SMYD4: variants seen among roughly 807,000 people sequenced by gnomAD.
The protein encoded by SMYD4 is protein-lysine N-methyltransferase SMYD4.
A neutral mutation model predicts 72.8 loss-of-function variants in SMYD4; 68 were observed. The ratio of observed to expected loss-of-function variants is 0.93; its 90% confidence interval spans 0.77 to 1.14. The LOEUF is 1.14. SMYD4 is among the 50% of genes most tolerant of loss of function. SMYD4 has a pLI of 0.00. For missense variants in SMYD4, 984 were observed against 1,003.7 expected, an observed-to-expected ratio of 0.98 and a Z score of 0.27; for synonymous variants, 407 against 388.6, an observed-to-expected ratio of 1.05 and a Z score of -0.56.
intron 4 of SMYD4, among the ~76,000 whole-genome samples, chr17:1,802,954 C>A (rs1023665672): frequency 6.6e-6 from 1 of 152,174 alleles, no homozygotes; most frequent in Non-Finnish European, 1.5e-5. Context: ...GAGTTTGAGA[C>A]CAGCCTGACC....
Position 1,780,018 on chromosome 17 carries a change from GGA to G in SMYD4, c.*1266_*1267del, listed in dbSNP as rs1219222047. 2 of 152,458 alleles carry G rather than the reference GGA, an allele frequency of 1.3e-5. No homozygotes were observed. The highest frequency in any genetic ancestry group is 2.9e-5 in the Non-Finnish European group (2 of 68,030). 9.4% of individuals were successfully genotyped at this position (152,458 alleles called of 1,614,324 possible). A position where few individuals can be genotyped will look rare whatever the true frequency, so the allele number is the denominator to read the frequency against. On this transcript the variant is annotated 3_prime_UTR_variant, in exon 11 of 11. Coordinates refer to ENST00000305513, the MANE Select transcript of SMYD4 (RefSeq NM_052928.3). ...CAGCTAAAATCCTTTTAAAGGACTT[GGA>G]ATCTCCAGATACTAGTTTTAAGTCT...
In SMYD4 at chr17:1,800,423, T is replaced by G; in HGVS notation, c.971A>C (p.Gln324Pro). 3 of 1,614,208 alleles carry G rather than the reference T, an allele frequency of 1.9e-6. No homozygotes were observed. The highest frequency in any genetic ancestry group is 2.5e-6 in the Non-Finnish European group (3 of 1,180,040). Residue 324 changes from glutamine to proline, a missense_variant, in exon 5 of 11, where the codon CAG (glutamine) becomes CCG (proline). Physicochemically the swap from Gln to Pro is moderately conservative, Grantham distance 76 (BLOSUM62 -1). Coordinates refer to ENST00000305513, the MANE Select transcript of SMYD4 (RefSeq NM_052928.3). ...CCTGTGGTAGAGCTCCCAGGCCTGC[T>G]GCAAACACTCCTGGCTGCAATACTT... Reference protein sequence around the residue: ...YAKYCSQECLQQAWELYHRTE... With the variant: ...YAKYCSQECLPQAWELYHRTE...
intron 5 of SMYD4, 126 bp downstream of exon 5, chr17:1,799,731 C>T (rs763434680): frequency 5.4e-6 from 5 of 931,476 alleles, no homozygotes; most frequent in African/African-American, 1.7e-5. Context: ...ATAAACAAGA[C>T]AGCTTAGTGA....
intron 5 of SMYD4, among the ~76,000 whole-genome samples, chr17:1,791,765 T>C (rs1037518369): frequency 5.3e-5 from 8 of 152,152 alleles, no homozygotes; most frequent in African/African-American, 1.9e-4. Flanking sequence ...CTCACGCCTG[T>C]AATCCCAGCA....
intron 7 of SMYD4, 149 bp from the exon 8 acceptor site, chr17:1,784,610 T>C (rs1908553800): frequency 1.4e-6 from 2 of 1,452,648 alleles, no homozygotes; most frequent in East Asian, 4.9e-5. Context: ...TCTGAGCGAA[T>C]TTTGTTTGAT....
chr17:1,794,370 C>T (rs1374248034), intron 5 of SMYD4, among the ~76,000 whole-genome samples: 2 of 150,770 alleles, frequency 1.3e-5, no homozygotes, highest in African/African-American at 4.9e-5. Flanking sequence ...CCACCCACCT[C>T]AGCCTCCCAT....
At chr17:1,828,315 C>A (rs1213678976) in intron 1 of SMYD4, among the ~76,000 whole-genome samples, 1 of 149,550 alleles carries the variant, frequency 6.7e-6, no homozygotes, top group African/African-American at 2.5e-5. Context: ...CACGCCATTG[C>A]ACTCCAGCCT....
chr17:1,783,000 CAGTGTGTGCCCTGTGA>C lies in SMYD4; in HGVS notation c.2261+19_2261+34del. 6.3e-7 allele frequency: 1 copy of C among 1,588,910 alleles called. No homozygotes were observed. Among genetic ancestry groups the C allele is most frequent in the South Asian group, 1.1e-5 (1 of 87,642 alleles). On this transcript the variant is annotated intron_variant, in intron 10 of 10. Transcript: ENST00000305513. ...TACCCAGAAGAGCCTAGGAAAGGAA[CAGTGTGTGCCCTGTGA>C]AGTGGGAAAGGGACTCACCCGTTGA...
chr17:1,817,738 T>G (rs1910686513), intron 2 of SMYD4, among the ~76,000 whole-genome samples: 1 of 152,116 alleles, frequency 6.6e-6, no homozygotes, highest in African/African-American at 2.4e-5. Context: ...ATGTCAAGAT[T>G]TTCCCCTATG....
intron 7 of SMYD4, 169 bp from the exon 8 acceptor site, chr17:1,784,630 G>A: frequency 1.1e-6 from 1 of 943,720 alleles, no homozygotes; most frequent in Non-Finnish European, 1.3e-6. Context: ...TGGCGGCAAT[G>A]GCGGCAATTC....
At chr17:1,816,097 C>A (rs1910579067) in intron 2 of SMYD4, among the ~76,000 whole-genome samples, 1 of 152,080 alleles carries the variant, frequency 6.6e-6, no homozygotes, top group Non-Finnish European at 1.5e-5. Context: ...TTTTCATCAT[C>A]CCATGCTGAA....
At chr17:1,827,552 C>A (rs1911255288) in intron 2 of SMYD4, among the ~76,000 whole-genome samples, 1 of 152,086 alleles carries the variant, frequency 6.6e-6, no homozygotes, top group South Asian at 2.1e-4. Flanking sequence ...TCTGGCTAAT[C>A]CTGCAGGATG....
intron 2 of SMYD4, among the ~76,000 whole-genome samples, chr17:1,825,887 G>C (rs1298314074): frequency 6.6e-6 from 1 of 151,882 alleles, no homozygotes; most frequent in Non-Finnish European, 1.5e-5. Flanking sequence ...GATCGCTTGA[G>C]CCCAGGAGCT....
intron 5 of SMYD4, among the ~76,000 whole-genome samples, chr17:1,798,225 G>A (rs1398156157): frequency 6.6e-6 from 1 of 151,488 alleles, no homozygotes; most frequent in African/African-American, 2.4e-5. Context: ...CTGCCTCCTG[G>A]GCTGAAGTGA....
At chr17:1,807,848 G>T (rs1365142874) in intron 3 of SMYD4, among the ~76,000 whole-genome samples, 1 of 152,208 alleles carries the variant, frequency 6.6e-6, no homozygotes, top group Non-Finnish European at 1.5e-5. Flanking sequence ...AACAGTGCTA[G>T]TTTATGGGAA....
chr17:1,785,132 C>G (rs538280260), intron 7 of SMYD4, among the ~76,000 whole-genome samples: 2 of 148,900 alleles, frequency 1.3e-5, no homozygotes, highest in South Asian at 4.3e-4. Context: ...CCTCAGAAAA[C>G]CAATAGAAGG....
At chr17:1,819,960 G>C (rs1157163840) in intron 2 of SMYD4, among the ~76,000 whole-genome samples, 1 of 151,738 alleles carries the variant, frequency 6.6e-6, no homozygotes, top group Non-Finnish European at 1.5e-5. Flanking sequence ...GCTAATTTTT[G>C]CATTTTTAGT....
At chr17:1,783,010 C>G (rs753755728) in intron 10 of SMYD4, 25 bp downstream of exon 10, 10 of 1,610,418 alleles carry the variant, frequency 6.2e-6, no homozygotes, top group Non-Finnish European at 8.5e-6. Flanking sequence ...CAGTGTGTGC[C>G]CTGTGAAGTG....
At chr17:1,802,977 C>A (rs1479440810) in intron 4 of SMYD4, among the ~76,000 whole-genome samples, 1 of 152,146 alleles carries the variant, frequency 6.6e-6, no homozygotes, top group Non-Finnish European at 1.5e-5. Context: ...CATGGTGAAA[C>A]GCCATCTCTA....
Sources: gnomAD v4.1 joint callset for allele counts (sites outside exome capture counted in the v4.1 genomes callset) on GRCh38, gnomAD v4.1.1 for gene constraint, MANE v1.5 for transcripts, NCBI Gene and HGNC (gene_info 2026-07-23, HGNC 2026-07-21) for gene names.